The following NRG1 variants were observed in gnomAD, a reference collection of about 807,000 sequenced individuals.
NRG1 encodes neuregulin 1.
Under a neutral mutation model 63.8 loss-of-function variants are expected in NRG1, and 18 were observed. The observed-to-expected ratio is 0.28, with a 90% confidence interval of 0.19 to 0.42. The LOEUF (loss-of-function observed/expected upper bound fraction) is 0.42, where lower values mean the gene tolerates loss of function less well. Ranked by LOEUF, NRG1 falls within the 10% of genes least tolerant of loss-of-function variation. The pLI, the probability that NRG1 is intolerant of heterozygous loss-of-function variation, is 1.00. For missense variants in NRG1, 762 were observed against 814.7 expected, an observed-to-expected ratio of 0.94 and a Z score of 0.79; for synonymous variants, 302 against 301.3, an observed-to-expected ratio of 1.00 and a Z score of -0.02.
intron 1 of NRG1, among the ~76,000 whole-genome samples, chr8:32,405,837 G>A (rs1287630780): frequency 6.6e-6 from 1 of 151,846 alleles, no homozygotes; most frequent in Non-Finnish European, 1.5e-5. Context: ...CATTTCATTA[G>A]TAGGCTTTTA....
chr8:31,765,290 C>A (rs1817951986), intron 1 of NRG1, among the ~76,000 whole-genome samples: 1 of 152,010 alleles, frequency 6.6e-6, no homozygotes, highest in Non-Finnish European at 1.5e-5. Context: ...GGACTGTTTT[C>A]TTTCTTTCTT....
chr8:32,582,303 G>T (rs1433630049), intron 1 of NRG1, among the ~76,000 whole-genome samples: 1 of 151,894 alleles, frequency 6.6e-6, no homozygotes, highest in African/African-American at 2.4e-5. Flanking sequence ...TTACCATGTT[G>T]CCCAGGCTGG....
chr8:32,556,220 A>G (rs541740950), intron 1 of NRG1, among the ~76,000 whole-genome samples: 4 of 152,252 alleles, frequency 2.6e-5, no homozygotes, highest in Non-Finnish European at 5.9e-5. Flanking sequence ...AATAATGACA[A>G]CTTTGAAAAA....
At chr8:32,039,890 G>A (rs1283212916) in intron 1 of NRG1, among the ~76,000 whole-genome samples, 2 of 152,044 alleles carry the variant, frequency 1.3e-5, no homozygotes, top group African/African-American at 4.8e-5. Context: ...CGGAAATGGT[G>A]GTGTGTGAAT....
chr8:32,236,822 T>C (rs1847611184), intron 1 of NRG1, among the ~76,000 whole-genome samples: 1 of 152,170 alleles, frequency 6.6e-6, no homozygotes. Flanking sequence ...CTTCAGCTAA[T>C]GTGAACATTC....
intron 1 of NRG1, among the ~76,000 whole-genome samples, chr8:31,937,455 G>A (rs1408266513): frequency 1.3e-5 from 2 of 152,058 alleles, no homozygotes; most frequent in South Asian, 2.1e-4. Context: ...CAGAGGTAAA[G>A]GTAAGAAACA....
At chr8:32,045,817 C>G (rs1341167797) in intron 1 of NRG1, among the ~76,000 whole-genome samples, 3 of 151,850 alleles carry the variant, frequency 2.0e-5, no homozygotes, top group Non-Finnish European at 4.4e-5. Context: ...CAAAATGGAT[C>G]GTAGATTTAA....
intron 1 of NRG1, among the ~76,000 whole-genome samples, chr8:32,314,179 G>T (rs1268950768): frequency 9.2e-6 from 1 of 108,298 alleles, no homozygotes; most frequent in Admixed American, 1.1e-4. Flanking sequence ...ATGTAGACTA[G>T]CTGTTAAGTG....
chr8:31,860,091 A>G (rs1278626611), intron 1 of NRG1, among the ~76,000 whole-genome samples: 3 of 152,214 alleles, frequency 2.0e-5, no homozygotes, highest in African/African-American at 4.8e-5. Flanking sequence ...ATCCAAATGT[A>G]TTTGTCATGC....
chr8:32,121,947 CTT>C (rs1220615951), intron 1 of NRG1, among the ~76,000 whole-genome samples: 1 of 151,968 alleles, frequency 6.6e-6, no homozygotes. Context: ...TCATGAAAAA[CTT>C]TGTTCCTCTA....
chr8:32,631,408 T>C (rs891872765), intron 5 of NRG1, among the ~76,000 whole-genome samples: 1 of 152,210 alleles, frequency 6.6e-6, no homozygotes, highest in Non-Finnish European at 1.5e-5. Flanking sequence ...CATCTTCTAA[T>C]GCACTGGCAA....
chr8:32,271,083 T>C (rs1851495569), intron 1 of NRG1, among the ~76,000 whole-genome samples: 2 of 152,262 alleles, frequency 1.3e-5, no homozygotes, highest in Middle Eastern at 3.4e-3. Flanking sequence ...TTTCTGTTTC[T>C]CCTCTTGTCA....
intron 1 of NRG1, among the ~76,000 whole-genome samples, chr8:31,733,105 T>A (rs189465974): frequency 6.6e-6 from 1 of 152,096 alleles, no homozygotes; most frequent in East Asian, 1.9e-4. Flanking sequence ...GACAATGGCC[T>A]CCAGTTTCAT....
intron 1 of NRG1, among the ~76,000 whole-genome samples, chr8:32,253,078 T>G (rs10954834): frequency 0.69 from 105,720 of 152,142 alleles, 37,301 homozygotes; most frequent in African/African-American, 0.79. Flanking sequence ...TTGCTTATCA[T>G]TTTAAGGAGA....
chr8:32,055,250 T>A (rs1822725677), intron 1 of NRG1, among the ~76,000 whole-genome samples: 1 of 152,092 alleles, frequency 6.6e-6, no homozygotes, highest in Non-Finnish European at 1.5e-5. Context: ...ATGTGATAGT[T>A]TTAGGTGACT....
At chr8:32,142,639 C>G (rs1311600241) in intron 1 of NRG1, among the ~76,000 whole-genome samples, 2 of 152,164 alleles carry the variant, frequency 1.3e-5, no homozygotes, top group East Asian at 3.9e-4. Flanking sequence ...TTGAGAACCA[C>G]TCAACAATTC....
intron 1 of NRG1, among the ~76,000 whole-genome samples, chr8:31,760,264 A>T (rs1037620844): frequency 3.8e-4 from 58 of 152,294 alleles, no homozygotes; most frequent in Non-Finnish European, 6.9e-4. Flanking sequence ...AGCTTTCTAC[A>T]TATGGCTAGC....
chr8:32,694,530 T>C (rs984407261), intron 5 of NRG1, among the ~76,000 whole-genome samples: 17 of 152,220 alleles, frequency 1.1e-4, no homozygotes, highest in Admixed American at 1.0e-3. Flanking sequence ...GCATGACTAA[T>C]AATAATAAAG....
chr8:32,125,960 G>A (rs368302588), intron 1 of NRG1, among the ~76,000 whole-genome samples: 1 of 151,818 alleles, frequency 6.6e-6, no homozygotes, highest in Non-Finnish European at 1.5e-5. Context: ...TTGGGAAGAT[G>A]TGATCCCTCT....
Sources: gnomAD v4.1 joint callset for allele counts (sites outside exome capture counted in the v4.1 genomes callset) on GRCh38, gnomAD v4.1.1 for gene constraint, MANE v1.5 for transcripts, NCBI Gene and HGNC (gene_info 2026-07-23, HGNC 2026-07-21) for gene names.